The following TNRC18 variants were observed in gnomAD, a reference collection of about 807,000 sequenced individuals.
TNRC18 encodes trinucleotide repeat containing 18, also known as trinucleotide repeat-containing gene 18 protein.
In TNRC18, 69 loss-of-function variants were observed where a neutral mutation model predicts 226.7. The observed-to-expected ratio is 0.30, with a 90% CI of 0.25 to 0.37. The LOEUF (loss-of-function observed/expected upper bound fraction) is 0.37. TNRC18 is among the 10% of genes least tolerant of loss of function. TNRC18 has a pLI of 1.00. For synonymous variants in TNRC18, 2,449 were observed against 1,927.6 expected (o/e 1.27, Z -7.09); for missense variants, 4,754 against 4,256.6 (o/e 1.12, Z -3.25).
At chr7:5,401,831 T>A (rs1170700734) in intron 2 of TNRC18, among the ~76,000 whole-genome samples, 1 of 152,164 alleles carries the variant, frequency 6.6e-6, no homozygotes, top group Non-Finnish European at 1.5e-5. Flanking sequence ...CTCATGCCTG[T>A]AATCTCAACA....
In TNRC18 at chr7:5,325,159, G is replaced by A. The variant is rs1459104406; in HGVS notation, c.6237C>T (p.Ala2079=). Reference sequence around the variant, plus strand: ...TCCTTTTGGCAGCGGTCAGGGAGCTGGCGTGAGGAGCCCTGGCCTCAGAGG... The same window carrying A: ...TCCTTTTGGCAGCGGTCAGGGAGCTAGCGTGAGGAGCCCTGGCCTCAGAGG... ...ALPSEARAPH[A]SSLTAAKRSK... The change falls in exon 20 of 30, where the codon GCC becomes GCT. Residue 2079 remains alanine (A), a synonymous_variant. Coordinates refer to ENST00000430969, the MANE Select transcript of TNRC18 (RefSeq NM_001080495.3). 4 of 1,552,216 alleles carry A rather than the reference G, an allele frequency of 2.6e-6. No individual in the cohort carries two copies. Among genetic ancestry groups the A allele is most frequent in the East Asian group, 2.4e-5 (1 of 41,212 alleles).
intron 5 of TNRC18, among the ~76,000 whole-genome samples, chr7:5,384,350 G>A (rs1584006490): frequency 1.3e-5 from 2 of 151,958 alleles, no homozygotes; most frequent in African/African-American, 2.4e-5. Flanking sequence ...ATCCTCCTAC[G>A]TTGGCCTTCC....
rs368673254 is a variant in TNRC18, at chr7:5,308,130, C to G, written c.8883G>C (p.Thr2961=). The G allele has an allele frequency of 7.7e-6, 12 of 1,557,306 alleles. 1 individual carries two copies. In the South Asian group the frequency reaches 9.5e-5, roughly 12 times the overall value. Residue 2961 remains threonine, a synonymous_variant, in exon 30 of 30, where the codon ACG becomes ACC. Coordinates refer to ENST00000430969, the MANE Select transcript of TNRC18 (RefSeq NM_001080495.3). ...YEPTTGMIFS[T]DGVPVLC ...CTCAGCAGAGCACGGGCACGCCGTC[C>G]GTGGAGAAGATCATGCCCGTGGTGG...
chr7:5,365,999 A>G (rs1301554725), intron 11 of TNRC18, among the ~76,000 whole-genome samples: 1 of 152,102 alleles, frequency 6.6e-6, no homozygotes. Flanking sequence ...TGAACCTGGG[A>G]GGCGGAGACT....
chr7:5,361,689 T>A lies in TNRC18; in HGVS notation c.4566A>T (p.Ala1522=). The change falls in exon 14 of 30, where the codon GCA becomes GCT. Residue 1522 remains alanine (A), a synonymous_variant. Coordinates refer to ENST00000430969, the MANE Select transcript of TNRC18 (RefSeq NM_001080495.3). ...DRREEPHRSL[A]RRGPGRPRKR... ...TCCGCGGCCTGCCAGGGCCTCTGCG[T>A]GCCAAGCTTCTATGGGGTTCCTCGC... 6.4e-7 allele frequency: 1 copy of A among 1,566,592 alleles called. No homozygotes were observed. Among genetic ancestry groups the A allele is most frequent in the Non-Finnish European group, 8.6e-7 (1 of 1,156,424 alleles).
intron 5 of TNRC18, among the ~76,000 whole-genome samples, chr7:5,378,843 A>G (rs1779191246): frequency 6.6e-6 from 1 of 152,016 alleles, no homozygotes; most frequent in Non-Finnish European, 1.5e-5. Context: ...ACATGAAGCC[A>G]GACTGTGGTC....
Position 5,356,881 on chromosome 7 carries a change from A to G in TNRC18, c.5194+35T>C, listed in dbSNP as rs769655296. 10 of 1,488,738 alleles carry G rather than the reference A, an allele frequency of 6.7e-6. No homozygotes were observed. In the Middle Eastern group the frequency reaches 5.8e-4, roughly 86 times the overall value. The allele number at this position is 1,488,738 out of a possible 1,614,324, so 92.2% of individuals were successfully genotyped here. On this transcript the variant is annotated intron_variant, in intron 16 of 29. Transcript: ENST00000430969. The stretch of plus-strand genomic sequence containing the variant: ...GAAGAGGGGAGAAAAGGAGAGAAGC[A>G]GCGGACCAGAGGTGGCGCGGCATAC...
chr7:5,395,622 G>A (rs565653028), intron 2 of TNRC18, among the ~76,000 whole-genome samples: 2 of 152,346 alleles, frequency 1.3e-5, no homozygotes, highest in East Asian at 3.9e-4. Flanking sequence ...GTCTCGGTTT[G>A]CACATCAACA....
In TNRC18 at chr7:5,388,934, A is replaced by G; in HGVS notation, c.890T>C (p.Val297Ala). ...GAGDVGLPALVAEAGRGGAKE... is the reference protein window; with the variant it reads ...GAGDVGLPALAAEAGRGGAKE... Reference sequence around the variant, plus strand: ...GGCACCCCCGCGCCCCGCTTCGGCCACCAGCGCGGGCAGCCCCACGTCCCC... The same window carrying G: ...GGCACCCCCGCGCCCCGCTTCGGCCGCCAGCGCGGGCAGCCCCACGTCCCC... The change falls in exon 5 of 30, where the codon GTG (valine) becomes GCG (alanine). Residue 297 changes from valine (V) to alanine (A), a missense_variant. Transcript: ENST00000430969. 7.2e-7 allele frequency: 1 copy of G among 1,380,956 alleles called. No individual in the cohort carries two copies. The highest frequency in any genetic ancestry group is 1.4e-5 in the South Asian group (1 of 72,730). 85.5% of individuals were successfully genotyped at this position (1,380,956 alleles called of 1,614,324 possible). A position where few individuals can be genotyped will look rare whatever the true frequency, so the allele number is the denominator to read the frequency against.
At chr7:5,343,432 T>G (rs1027451044) in intron 18 of TNRC18, among the ~76,000 whole-genome samples, 3 of 152,056 alleles carry the variant, frequency 2.0e-5, no homozygotes, top group Non-Finnish European at 2.9e-5. Flanking sequence ...GGTTTGGTCT[T>G]TTATTTTTGA....
Position 5,377,006 on chromosome 7 carries a change from G to A in TNRC18, c.2462-13C>T. On this transcript the variant is annotated splice_polypyrimidine_tract_variant and intron_variant, in intron 7 of 29. Coordinates refer to ENST00000430969, the MANE Select transcript of TNRC18 (RefSeq NM_001080495.3). This position sits in a 1 kb window ranked among gnomAD's most constrained non-coding sequence, Gnocchi z 5.8. ...GGGGGACCCAAGCCTAGGAGGAGAA[G>A]CCCAGGCCTGAGTCAGTGCTGGGAG... The A allele has an allele frequency of 6.4e-7, 1 of 1,567,578 alleles. No homozygotes were observed. The highest frequency in any genetic ancestry group is 1.9e-5 in the Admixed American group (1 of 52,504).
In TNRC18 at chr7:5,370,786, C is replaced by T. The variant is rs774003341; in HGVS notation, c.3808G>A (p.Val1270Met). 6.9e-6 allele frequency: 11 copies of T among 1,604,024 alleles called. No homozygotes were observed. Among genetic ancestry groups the T allele is most frequent in the South Asian group, 6.7e-5 (6 of 90,070 alleles). ...CCTTCCTCGGGCACTGCCTCCACCACGGGCACCGCCACAGGCACCTCCACC... is the reference window on the plus strand; with the variant it reads ...CCTTCCTCGGGCACTGCCTCCACCATGGGCACCGCCACAGGCACCTCCACC... ...EPVEVPVAVP[V>M]VEAVPEEGLA... is the part of the protein sequence containing the mutation. The change falls in exon 11 of 30, where the codon GTG becomes ATG. Residue 1270 changes from valine to methionine, a missense_variant. Val to Met is a conservative substitution (Grantham distance 21). Transcript: ENST00000430969.
At chr7:5,347,947 C>T (rs762754107) in intron 17 of TNRC18, among the ~76,000 whole-genome samples, 2 of 151,988 alleles carry the variant, frequency 1.3e-5, no homozygotes, top group African/African-American at 4.8e-5. Flanking sequence ...AGCAAGACTC[C>T]GTCTCAAAAA....
chr7:5,313,409 C>T lies in TNRC18; in HGVS notation c.7482G>A (p.Glu2494=), dbSNP rs1382431502. 1.1e-5 allele frequency: 18 copies of T among 1,597,840 alleles called. No homozygotes were observed. The highest frequency in any genetic ancestry group is 2.2e-5 in the South Asian group (2 of 88,944). ...REDPGAGGWQ[E]PKSLLSLGSY... ...TGCCCAGGCTCAGGAGGCTCTTGGG[C>T]TCCTGCCAGCCCCCCGCCCCCGGAT... The change falls in exon 27 of 30, where the codon GAG becomes GAA. Residue 2494 remains glutamate (E), a synonymous_variant. Transcript: ENST00000430969.
chr7:5,332,594 C>T (rs1457080301), intron 19 of TNRC18, 28 bp downstream of exon 19: 1 of 1,508,062 alleles, frequency 6.6e-7, no homozygotes, highest in African/African-American at 1.5e-5. Flanking sequence ...GACCCTTCTG[C>T]GGCACCCCCT....
At chr7:5,319,279 T>C (rs1042185933) in intron 24 of TNRC18, among the ~76,000 whole-genome samples, 11 of 152,176 alleles carry the variant, frequency 7.2e-5, no homozygotes, top group African/African-American at 1.7e-4. Flanking sequence ...TTGGCTTCCA[T>C]CTTCTGGGTA....
chr7:5,327,880 G>C lies in TNRC18; in HGVS notation c.6148-2632C>G, dbSNP rs534272314. Among the ~76,000 whole-genome samples, 17 of 152,240 alleles carry C rather than the reference G, an allele frequency of 1.1e-4. No homozygotes were observed. The South Asian group carries it at 3.5e-3, about 32-fold the overall frequency. On this transcript the variant is annotated intron_variant, in intron 19 of 29. Coordinates refer to ENST00000430969, the MANE Select transcript of TNRC18 (RefSeq NM_001080495.3). The stretch of plus-strand genomic sequence containing the variant: ...CACCCAAACCACCAACCGCCAGCAG[G>C]GTCAGTGGCAGGAGACAGGCAGGCA...
At chr7:5,370,035 G>A (rs1386473939) in intron 11 of TNRC18, among the ~76,000 whole-genome samples, 2 of 152,034 alleles carry the variant, frequency 1.3e-5, no homozygotes, top group Admixed American at 1.3e-4. Context: ...AAGAGGCCGG[G>A]CACAGCGAGC....
At position 5,313,699 on chromosome 7, in the gene TNRC18, G is replaced by C; in HGVS notation, c.7192C>G (p.Pro2398Ala). Reference sequence around the variant, plus strand: ...CAGCTGGTGAAGGCGGGTGGTGCGGGACTGGGCTGCGGCGGTGCCGGGCGC... The same window carrying C: ...CAGCTGGTGAAGGCGGGTGGTGCGGCACTGGGCTGCGGCGGTGCCGGGCGC... ...KARPAPPQPS[P>A]APPAFTSCPA... is the part of the protein sequence containing the mutation. Residue 2398 changes from proline (P) to alanine (A), a missense_variant, in exon 27 of 30, where the codon CCC becomes GCC. Transcript: ENST00000430969. The C allele has an allele frequency of 3.1e-6, 5 of 1,601,052 alleles. No homozygotes were observed. The highest frequency in any genetic ancestry group is 4.3e-6 in the Non-Finnish European group (5 of 1,173,766).
Sources: allele counts gnomAD v4.1 joint callset (sites outside exome capture counted in the v4.1 genomes callset), GRCh38; gene constraint gnomAD v4.1.1; non-coding constraint Gnocchi (gnomAD v3.1); transcripts MANE v1.5; gene names NCBI Gene and HGNC (gene_info 2026-07-23, HGNC 2026-07-21).